Variants in DNAH11 observed in about 807,000 individuals in gnomAD.
DNAH11 encodes dynein axonemal heavy chain 11.
Under a neutral mutation model 526.0 loss-of-function variants are expected in DNAH11, and 442 were observed. The observed-to-expected ratio is 0.84, with a 90% CI of 0.78 to 0.91. The LOEUF is 0.91. Among genes scored for constraint, DNAH11 ranks in the 40% least tolerant of loss-of-function variants. The pLI is 0.00. For missense variants in DNAH11, 6,989 were observed against 5,448.7 expected, an observed-to-expected ratio of 1.28 and a Z score of -8.90; for synonymous variants, 2,461 against 1,935.9, an observed-to-expected ratio of 1.27 and a Z score of -7.12.
chr7:21,779,498 T>C (rs915012556), intron 57 of DNAH11, among the ~76,000 whole-genome samples: 9 of 152,152 alleles, frequency 5.9e-5, no homozygotes, highest in Admixed American at 5.9e-4. Context: ...CTTTGCAAGA[T>C]GGTTTTCAAA....
intron 36 of DNAH11, among the ~76,000 whole-genome samples, chr7:21,699,372 A>G (rs574284890): frequency 1.3e-5 from 2 of 152,304 alleles, no homozygotes; most frequent in South Asian, 4.1e-4. Flanking sequence ...CATATATATC[A>G]GCATCAATAT....
chr7:21,645,940 A>G (rs1050942152), intron 28 of DNAH11, among the ~76,000 whole-genome samples: 1 of 152,202 alleles, frequency 6.6e-6, no homozygotes, highest in African/African-American at 2.4e-5. Context: ...AAAAAAATGG[A>G]TAAATTTGAC....
At chr7:21,825,613 C>T (rs1790251055) in intron 65 of DNAH11, among the ~76,000 whole-genome samples, 1 of 146,634 alleles carries the variant, frequency 6.8e-6, no homozygotes, top group Non-Finnish European at 1.5e-5. Flanking sequence ...CTATTCCTGC[C>T]TCCTTTTTTT....
intron 55 of DNAH11, among the ~76,000 whole-genome samples, chr7:21,768,123 C>A (rs1787258682): frequency 6.6e-6 from 1 of 152,166 alleles, no homozygotes; most frequent in South Asian, 2.1e-4. Context: ...CAGTTTGACA[C>A]TTAAGTATTT....
At chr7:21,582,749 G>A (rs562429101) in intron 9 of DNAH11, among the ~76,000 whole-genome samples, 11 of 152,192 alleles carry the variant, frequency 7.2e-5, no homozygotes, top group South Asian at 2.1e-4. Context: ...ATTAGATAAC[G>A]TCCCAAAAGA....
chr7:21,736,683 T>C (rs1419054633), intron 46 of DNAH11, among the ~76,000 whole-genome samples: 1 of 152,172 alleles, frequency 6.6e-6, no homozygotes, highest in African/African-American at 2.4e-5. Flanking sequence ...TCTTTATGAA[T>C]GGAACCCTTA....
chr7:21,893,211 G>C (rs1156708692), intron 77 of DNAH11, among the ~76,000 whole-genome samples: 4 of 152,208 alleles, frequency 2.6e-5, no homozygotes, highest in Non-Finnish European at 5.9e-5. Flanking sequence ...CCAGAAGTGG[G>C]ATTGCCAGAT....
intron 30 of DNAH11, among the ~76,000 whole-genome samples, chr7:21,664,692 T>C (rs1782359824): frequency 6.6e-6 from 1 of 152,062 alleles, no homozygotes; most frequent in South Asian, 2.1e-4. Flanking sequence ...AACTCCAGGC[T>C]TGAAGCAATC....
At chr7:21,654,304 G>A (rs1356743559) in intron 28 of DNAH11, among the ~76,000 whole-genome samples, 1 of 152,074 alleles carries the variant, frequency 6.6e-6, no homozygotes, top group Non-Finnish European at 1.5e-5. Flanking sequence ...ATCTCTTGTG[G>A]ATATTTCATA....
chr7:21,742,495 T>A (rs896145019), intron 49 of DNAH11, among the ~76,000 whole-genome samples: 1 of 151,934 alleles, frequency 6.6e-6, no homozygotes. Flanking sequence ...ACTAACTGAG[T>A]GAGAATTCAC....
At chr7:21,697,689 C>G (rs886626135) in intron 35 of DNAH11, among the ~76,000 whole-genome samples, 1 of 152,180 alleles carries the variant, frequency 6.6e-6, no homozygotes, top group African/African-American at 2.4e-5. Context: ...TAAGCAAGTG[C>G]TATTTTCTAG....
In DNAH11 at chr7:21,571,915, T is replaced by C. The variant is rs72655984; in HGVS notation, c.1535T>C (p.Met512Thr). 31 of 1,611,838 alleles carry C rather than the reference T, an allele frequency of 1.9e-5. No individual in the cohort carries two copies. The Admixed American group carries it at 2.5e-4, about 13-fold the overall frequency. Residue 512 changes from methionine to threonine, a missense_variant, in exon 8 of 82, where the codon ATG (methionine) becomes ACG (threonine). Transcript: ENST00000409508. ...GTCCACGAGATGAGTGAAGAACTTATGGAACTCTGTAAACTTTTTAAACAG... is the reference window on the plus strand; with the variant it reads ...GTCCACGAGATGAGTGAAGAACTTACGGAACTCTGTAAACTTTTTAAACAG... Reference protein sequence around the residue: ...GQVHEMSEELMELCKLFKQST... With the variant: ...GQVHEMSEELTELCKLFKQST...
rs763330132 is a variant in DNAH11 at position 21,588,186 on chromosome 7, T to C, written c.1833T>C (p.Asn611=). 12 of 1,612,044 alleles carry C rather than the reference T, an allele frequency of 7.4e-6. No homozygotes were observed. The highest frequency in any genetic ancestry group is 6.7e-5 in the East Asian group (3 of 44,792). The change falls in exon 10 of 82, where the codon AAT becomes AAC. Residue 611 remains asparagine (N), a synonymous_variant. Coordinates refer to ENST00000409508, the MANE Select transcript of DNAH11 (RefSeq NM_001277115.2). ...TGGATGTGTGTAAGCAACTGTATAA[T>C]GAACACATGAAACAGGTAAGTGGTG... is the stretch of plus-strand genomic sequence containing the variant. ...TELDVCKQLY[N]EHMKQIECGH...
Position 21,901,132 on chromosome 7 carries a change from G to T in DNAH11, c.13429G>T (p.Glu4477Ter), listed in dbSNP as rs551275210. The change falls in exon 82 of 82, where the codon GAG (glutamate) becomes TAG (stop). Residue 4477 changes from glutamate (E) to a stop codon, truncating the protein, a stop_gained. Transcript: ENST00000409508. LOFTEE classifies it high-confidence loss of function. ...VDRQETKQTYECPVYRTKLRG... is the reference protein window; with the variant it reads ...VDRQETKQTY The stretch of plus-strand genomic sequence containing the variant: ...CAGACAAGAAACCAAACAGACCTAC[G>T]AGTGCCCTGTGTATAGAACCAAACT... 3 of 1,613,236 alleles carry T rather than the reference G, an allele frequency of 1.9e-6. No homozygotes were observed. The highest frequency in any genetic ancestry group is 2.5e-6 in the Non-Finnish European group (3 of 1,179,382).
chr7:21,704,441 T>C lies in DNAH11; in HGVS notation c.6281T>C (p.Met2094Thr), dbSNP rs1304820248. The C allele has an allele frequency of 6.2e-6, 10 of 1,612,834 alleles. No individual in the cohort carries two copies. The highest frequency in any genetic ancestry group is 1.6e-4 in the Middle Eastern group (1 of 6,080). ...AAATGTTTTTTTTTCTAGGTACTCA[T>C]GAGAGCATTAAGGGATTTCAATATG... ...DKNRPEDQVLMRALRDFNMPK... is the reference protein window; with the variant it reads ...DKNRPEDQVLTRALRDFNMPK... The change falls in exon 38 of 82, where the codon ATG (methionine) becomes ACG (threonine). Residue 2094 changes from methionine to threonine, a missense_variant. Coordinates refer to ENST00000409508, the MANE Select transcript of DNAH11 (RefSeq NM_001277115.2).
At chr7:21,758,196 C>G (rs944115067) in intron 54 of DNAH11, among the ~76,000 whole-genome samples, 4 of 152,196 alleles carry the variant, frequency 2.6e-5, no homozygotes, top group African/African-American at 9.7e-5. Context: ...CCACATCGCT[C>G]TGGATACAGT....
chr7:21,743,210 G>A lies in DNAH11; in HGVS notation c.8154+1044G>A, dbSNP rs562858119. ...TCTGGGCTCTTTAGATTGAGTGAGT[G>A]AGTGCTTACTGTTTTGAGTGCCAAG... On this transcript the variant is annotated intron_variant, in intron 49 of 81. Coordinates refer to ENST00000409508, the MANE Select transcript of DNAH11 (RefSeq NM_001277115.2). Among the ~76,000 whole-genome samples, 4 of 152,350 alleles carry A rather than the reference G, an allele frequency of 2.6e-5. No individual in the cohort carries two copies. The East Asian group carries it at 7.7e-4, about 29-fold the overall frequency.
intron 51 of DNAH11, among the ~76,000 whole-genome samples, chr7:21,747,466 T>C (rs985119499): frequency 6.6e-5 from 10 of 152,174 alleles, no homozygotes; most frequent in African/African-American, 2.4e-4. Context: ...AAATTTGGGG[T>C]GTTTTACTAT....
At chr7:21,792,757 T>C (rs1184302453) in intron 61 of DNAH11, among the ~76,000 whole-genome samples, 1 of 152,142 alleles carries the variant, frequency 6.6e-6, no homozygotes, top group Non-Finnish European at 1.5e-5. Flanking sequence ...TTTCATTTAT[T>C]TTTTTATTTG....
Sources: allele counts gnomAD v4.1 joint callset (sites outside exome capture counted in the v4.1 genomes callset), GRCh38; gene constraint gnomAD v4.1.1; transcripts MANE v1.5; gene names NCBI Gene and HGNC (gene_info 2026-07-23, HGNC 2026-07-21).